Variants in GAB1 observed in about 807,000 individuals in gnomAD.
GAB1 encodes the protein GRB2 associated binding protein 1, also known as GRB2-associated-binding protein 1.
In GAB1, 19 loss-of-function variants were observed where a neutral mutation model predicts 66.5. The observed-to-expected ratio is 0.29, with a 90% CI of 0.20 to 0.42. The LOEUF is 0.42. Among genes scored for constraint, GAB1 ranks in the 10% least tolerant of loss-of-function variants. GAB1 has a pLI of 1.00. For synonymous variants in GAB1, 294 were observed against 301.4 expected, an observed-to-expected ratio of 0.98 and a Z score of 0.25; for missense variants, 732 against 858.5, an observed-to-expected ratio of 0.85 and a Z score of 1.84.
chr4:143,460,525 CT>C, intron 8 of GAB1, 38 bp downstream of exon 8: 2 of 1,601,892 alleles, frequency 1.2e-6, no homozygotes, highest in Non-Finnish European at 8.5e-7. Context: ...CTGAGCAGCC[CT>C]TTTCAGTCAT....
intron 1 of GAB1, among the ~76,000 whole-genome samples, chr4:143,390,739 A>G (rs1042246178): frequency 1.3e-5 from 2 of 152,146 alleles, no homozygotes; most frequent in African/African-American, 2.4e-5. Context: ...TTGCTCATAT[A>G]AAAGGGTAAG....
At chr4:143,351,342 T>C (rs1729209672) in intron 1 of GAB1, among the ~76,000 whole-genome samples, 1 of 152,184 alleles carries the variant, frequency 6.6e-6, no homozygotes, top group Non-Finnish European at 1.5e-5. Flanking sequence ...GTCCGGCCAC[T>C]CAGCCGCCTG....
chr4:143,421,896 A>G (rs1733050198), intron 2 of GAB1, among the ~76,000 whole-genome samples: 1 of 151,966 alleles, frequency 6.6e-6, no homozygotes, highest in African/African-American at 2.4e-5. Context: ...AGAATATTTC[A>G]CAATCTACTA....
chr4:143,342,827 T>G (rs1728869372), intron 1 of GAB1, among the ~76,000 whole-genome samples: 1 of 151,982 alleles, frequency 6.6e-6, no homozygotes, highest in Non-Finnish European at 1.5e-5. Flanking sequence ...CCTCCCAAAG[T>G]GCTGGGATTA....
chr4:143,450,994 T>C (rs1734899473), intron 6 of GAB1, among the ~76,000 whole-genome samples: 1 of 152,104 alleles, frequency 6.6e-6, no homozygotes, highest in Admixed American at 6.6e-5. Flanking sequence ...TTTAAGCACC[T>C]ATCAGTTACA....
chr4:143,439,828 A>T lies in GAB1; in HGVS notation c.1222A>T (p.Ile408Phe), dbSNP rs752279482. ...KDASSQDCYD[I>F]PRAFPSDRSS... The stretch of plus-strand genomic sequence containing the variant: ...TGCTAGTTCTCAAGACTGCTATGAT[A>T]TTCCACGAGCATTTCCAAGTGATAG... The change falls in exon 5 of 10, where the codon ATT becomes TTT. Residue 408 changes from isoleucine (I) to phenylalanine (F), a missense_variant. Coordinates refer to ENST00000262994, the MANE Select transcript of GAB1 (RefSeq NM_002039.4). 6.2e-7 allele frequency: 1 copy of T among 1,613,250 alleles called. No homozygotes were observed. Among genetic ancestry groups the T allele is most frequent in the Non-Finnish European group, 8.5e-7 (1 of 1,179,352 alleles).
At chr4:143,405,649 T>C (rs1349618652) in intron 1 of GAB1, among the ~76,000 whole-genome samples, 1 of 152,194 alleles carries the variant, frequency 6.6e-6, no homozygotes, top group Non-Finnish European at 1.5e-5. Context: ...AGTCCTTGCA[T>C]GCTGTACACT....
chr4:143,444,327 C>G (rs1308060101), intron 6 of GAB1, among the ~76,000 whole-genome samples: 1 of 152,124 alleles, frequency 6.6e-6, no homozygotes, highest in Non-Finnish European at 1.5e-5. Flanking sequence ...CCATTCACGC[C>G]TTTCTGCAAC....
intron 1 of GAB1, chr4:143,349,747 A>C (rs1375637850): frequency 2.5e-6 from 4 of 1,588,942 alleles, no homozygotes; most frequent in Non-Finnish European, 3.4e-6. Flanking sequence ...ACCCAGACCG[A>C]CGTGGCCATT....
At chr4:143,353,011 C>T (rs1260492015) in intron 1 of GAB1, among the ~76,000 whole-genome samples, 1 of 152,106 alleles carries the variant, frequency 6.6e-6, no homozygotes, top group Non-Finnish European at 1.5e-5. Flanking sequence ...CCAAGAAACT[C>T]AAAAGACATG....
intron 1 of GAB1, among the ~76,000 whole-genome samples, chr4:143,369,791 C>T (rs917688531): frequency 1.3e-5 from 2 of 152,244 alleles, no homozygotes; most frequent in African/African-American, 4.8e-5. Flanking sequence ...TGCAGTTGTG[C>T]TGAGACATGA....
chr4:143,363,404 A>T (rs1729742328), intron 1 of GAB1, among the ~76,000 whole-genome samples: 1 of 152,134 alleles, frequency 6.6e-6, no homozygotes, highest in Non-Finnish European at 1.5e-5. Context: ...AGAGTAAGAG[A>T]AGTAGTACTA....
Position 143,450,717 on chromosome 4 carries a change from TG to T in GAB1, c.1586-8667del, listed in dbSNP as rs576250276. On this transcript the variant is annotated intron_variant, in intron 6 of 9. Coordinates refer to ENST00000262994, the MANE Select transcript of GAB1 (RefSeq NM_002039.4). ...CCAGCCTGACCAACATGGTGAAACCTGTCTCTAGTAAAAATACAAAAAAATT... is the reference window on the plus strand; with the variant it reads ...CCAGCCTGACCAACATGGTGAAACCTTCTCTAGTAAAAATACAAAAAAATT... Among the ~76,000 whole-genome samples, 5 of 152,122 alleles carry T rather than the reference TG, an allele frequency of 3.3e-5. No individual in the cohort carries two copies. In the South Asian group the frequency reaches 1.0e-3, roughly 32 times the overall value.
At chr4:143,400,081 C>T (rs1404843833) in intron 1 of GAB1, among the ~76,000 whole-genome samples, 3 of 152,014 alleles carry the variant, frequency 2.0e-5, no homozygotes, top group African/African-American at 4.8e-5. Context: ...ACTTGGATTA[C>T]GGGTGTGCAC....
In GAB1 at chr4:143,349,500, G is replaced by A. The variant is rs144704977; in HGVS notation, c.72+12240G>A. 7.6e-4 allele frequency: 1,162 copies of A among 1,534,388 alleles called. 8 individuals carry two copies. In the African/African-American group the frequency reaches 0.013, roughly 18 times the overall value. On this transcript the variant is annotated intron_variant, in intron 1 of 9. Transcript: ENST00000262994. ...CCTGGGCTGGGGTGTAGCAGTCATC[G>A]ATACCAGCCATCATGAGCAGCTTCT... is the stretch of plus-strand genomic sequence containing the variant.
chr4:143,396,879 G>T (rs1275666726), intron 1 of GAB1, among the ~76,000 whole-genome samples: 1 of 152,160 alleles, frequency 6.6e-6, no homozygotes, highest in African/African-American at 2.4e-5. Context: ...GATGTAAGGA[G>T]CCCCTGCTGG....
chr4:143,396,149 G>A (rs778961778), intron 1 of GAB1, among the ~76,000 whole-genome samples: 3 of 152,166 alleles, frequency 2.0e-5, no homozygotes, highest in African/African-American at 4.8e-5. Flanking sequence ...AGCATTCTCC[G>A]CCGAATGGCA....
At chr4:143,433,842 A>G (rs1191483933) in intron 3 of GAB1, 126 bp downstream of exon 3, 1 of 737,912 alleles carries the variant, frequency 1.4e-6, no homozygotes, top group Non-Finnish European at 2.3e-6. Flanking sequence ...CTGTATAGGC[A>G]TATGTTTCAG....
intron 6 of GAB1, among the ~76,000 whole-genome samples, chr4:143,457,072 G>A (rs569107852): frequency 2.2e-4 from 34 of 152,322 alleles, no homozygotes; most frequent in Admixed American, 2.6e-4. Context: ...TGAGTATCCA[G>A]AGGAAAGAAA....
Sources: allele counts gnomAD v4.1 joint callset (sites outside exome capture counted in the v4.1 genomes callset), GRCh38; gene constraint gnomAD v4.1.1; transcripts MANE v1.5; gene names NCBI Gene and HGNC (gene_info 2026-07-23, HGNC 2026-07-21).